Variants in VWC2 observed in about 807,000 individuals in gnomAD.
The protein encoded by VWC2 is brorin.
Under a neutral mutation model 29.8 loss-of-function variants are expected in VWC2, and 14 were observed. The ratio of observed to expected loss-of-function variants is 0.47; its 90% CI spans 0.31 to 0.74. VWC2 has a LOEUF of 0.74. Ranked by LOEUF, VWC2 falls within the 30% of genes least tolerant of loss-of-function variation. VWC2 has a pLI of 0.05. For missense variants in VWC2, 457 were observed against 459.8 expected (o/e 0.99, Z 0.05); for synonymous variants, 213 against 199.0 (o/e 1.07, Z -0.59).
At chr7:49,782,592 C>T (rs1221985848) in intron 2 of VWC2, among the ~76,000 whole-genome samples, 2 of 151,516 alleles carry the variant, frequency 1.3e-5, no homozygotes, top group Admixed American at 6.6e-5. Context: ...TCCCTGTAAT[C>T]CCAGCACTTT....
chr7:49,830,744 C>T (rs1163662594), intron 3 of VWC2, among the ~76,000 whole-genome samples: 1 of 152,102 alleles, frequency 6.6e-6, no homozygotes, highest in African/African-American at 2.4e-5. Flanking sequence ...GTTCAATTCC[C>T]ACCTATGAGT....
intron 3 of VWC2, among the ~76,000 whole-genome samples, chr7:49,841,409 T>G (rs550231366): frequency 3.0e-4 from 45 of 151,506 alleles, no homozygotes; most frequent in Non-Finnish European, 5.7e-4. Flanking sequence ...AATTTCATAG[T>G]GGAGGAATTA....
intron 3 of VWC2, among the ~76,000 whole-genome samples, chr7:49,845,934 G>A (rs1012601271): frequency 6.6e-6 from 1 of 152,168 alleles, no homozygotes; most frequent in African/African-American, 2.4e-5. Context: ...TTTCACTAAT[G>A]AGTCTTTGAC....
intron 3 of VWC2, among the ~76,000 whole-genome samples, chr7:49,816,470 A>G (rs1483798): frequency 0.024 from 3,622 of 152,304 alleles, 343 homozygotes; most frequent in Admixed American, 0.18. Context: ...GGGGAGATCA[A>G]AAGTTTAAGA....
chr7:49,790,939 A>G (rs913523483), intron 2 of VWC2, among the ~76,000 whole-genome samples: 1 of 152,064 alleles, frequency 6.6e-6, no homozygotes, highest in Non-Finnish European at 1.5e-5. Context: ...AGGCAGAGCC[A>G]TTTGCGCTCC....
At chr7:49,802,586 C>T (rs138931321) in intron 2 of VWC2, 125 bp from the exon 3 acceptor site, 6 of 1,327,192 alleles carry the variant, frequency 4.5e-6, no homozygotes, top group South Asian at 2.7e-5. Context: ...TGCGGTGAGC[C>T]GAGATCGCAC....
At chr7:49,790,542 G>A (rs1404412738) in intron 2 of VWC2, among the ~76,000 whole-genome samples, 1 of 152,182 alleles carries the variant, frequency 6.6e-6, no homozygotes, top group Non-Finnish European at 1.5e-5. Context: ...TGTGGTGGAG[G>A]CTGGAAGGTA....
At chr7:49,825,235 T>C (rs1789367002) in intron 3 of VWC2, among the ~76,000 whole-genome samples, 1 of 152,228 alleles carries the variant, frequency 6.6e-6, no homozygotes, top group Non-Finnish European at 1.5e-5. Flanking sequence ...ATGTTGATTA[T>C]CTCTCACTCA....
chr7:49,775,428 G>A lies in VWC2; in HGVS notation c.-8G>A. The A allele has an allele frequency of 7.4e-7, 1 of 1,360,304 alleles. No homozygotes were observed. The highest frequency in any genetic ancestry group is 9.5e-7 in the Non-Finnish European group (1 of 1,055,302). The allele number at this position is 1,360,304 out of a possible 1,614,324, so 84.3% of individuals were successfully genotyped here. A position where few individuals can be genotyped will look rare whatever the true frequency, so the allele number is the denominator to read the frequency against. On this transcript the variant is annotated 5_prime_UTR_variant, in exon 2 of 4. The change creates a premature stop within an existing upstream ORF in the 5' untranslated region. Coordinates refer to ENST00000340652, the MANE Select transcript of VWC2 (RefSeq NM_198570.5). The stretch of plus-strand genomic sequence containing the variant: ...CCCGCCCGCCCGCCCGCCGGGACGT[G>A]GTAGGGGATGCCCAGCTCCACTGCG...
intron 3 of VWC2, among the ~76,000 whole-genome samples, chr7:49,910,320 T>C (rs905217558): frequency 5.9e-5 from 9 of 152,226 alleles, no homozygotes; most frequent in Admixed American, 5.9e-4. Context: ...TGGATTAATT[T>C]ATTTTTTAAA....
At chr7:49,856,708 T>G (rs1251272620) in intron 3 of VWC2, among the ~76,000 whole-genome samples, 1 of 152,126 alleles carries the variant, frequency 6.6e-6, no homozygotes, top group East Asian at 1.9e-4. Flanking sequence ...CTGATGTCCT[T>G]TTGGTTTTGT....
At chr7:49,818,245 A>T (rs1396735970) in intron 3 of VWC2, among the ~76,000 whole-genome samples, 1 of 152,204 alleles carries the variant, frequency 6.6e-6, no homozygotes, top group Non-Finnish European at 1.5e-5. Flanking sequence ...TCACAGAGAA[A>T]TATTTCCCAA....
chr7:49,872,889 C>G (rs1315234122), intron 3 of VWC2, among the ~76,000 whole-genome samples: 1 of 105,122 alleles, frequency 9.5e-6, no homozygotes, highest in Admixed American at 1.4e-4. Context: ...GCACTCCAGC[C>G]TGGGAGACAG....
Position 49,904,502 on chromosome 7 carries a change from A to G in VWC2, c.827-7532A>G, listed in dbSNP as rs945421982. On this transcript the variant is annotated intron_variant, in intron 3 of 3. Coordinates refer to ENST00000340652, the MANE Select transcript of VWC2 (RefSeq NM_198570.5). ...TGTTTAGAGGGACTTGGTTGAAACA[A>G]TCTCACAACTTGATTGATTTATTAG... 3.9e-5 allele frequency among the ~76,000 whole-genome samples: 6 copies of G among 152,218 alleles called. No homozygotes were observed. The South Asian group carries it at 1.0e-3, about 26-fold the overall frequency.
At chr7:49,872,751 C>CA (rs34987652) in intron 3 of VWC2, among the ~76,000 whole-genome samples, 81,688 of 121,894 alleles carry the variant, frequency 0.67, 27,387 homozygotes, top group East Asian at 0.87. Flanking sequence ...ACAAAAAATA[C>CA]AAAAAAAAAA....
At chr7:49,789,106 G>A (rs1249532996) in intron 2 of VWC2, among the ~76,000 whole-genome samples, 1 of 133,412 alleles carries the variant, frequency 7.5e-6, no homozygotes, top group Non-Finnish European at 1.6e-5. Context: ...GTGAGAGAGA[G>A]ATTGAGAGAG....
At chr7:49,895,260 C>A (rs916678292) in intron 3 of VWC2, among the ~76,000 whole-genome samples, 4 of 152,110 alleles carry the variant, frequency 2.6e-5, no homozygotes, top group African/African-American at 9.7e-5. Context: ...CCTAAGATCA[C>A]CAAATCCCAC....
intron 2 of VWC2, among the ~76,000 whole-genome samples, chr7:49,789,083 T>C (rs976054677): frequency 6.9e-6 from 1 of 144,336 alleles, no homozygotes; most frequent in African/African-American, 2.7e-5. Context: ...TGTGTGAGAG[T>C]GTAGGTTTGG....
At chr7:49,801,038 G>A (rs1788726377) in intron 2 of VWC2, among the ~76,000 whole-genome samples, 1 of 151,642 alleles carries the variant, frequency 6.6e-6, no homozygotes, top group South Asian at 2.1e-4. Flanking sequence ...CATTTTTTTG[G>A]CCAAGTACAC....
Sources: allele counts gnomAD v4.1 joint callset (sites outside exome capture counted in the v4.1 genomes callset), GRCh38; gene constraint gnomAD v4.1.1; transcripts MANE v1.5; gene names NCBI Gene and HGNC (gene_info 2026-07-23, HGNC 2026-07-21).